The following SLC16A4 variants were observed in gnomAD, a reference collection of about 807,000 sequenced individuals.
The protein encoded by SLC16A4 is solute carrier family 16 member 4, also known as probable monocarboxylate transporter 5.
A neutral mutation model predicts 47.9 loss-of-function variants in SLC16A4; 39 were observed. The ratio of observed to expected loss-of-function variants is 0.81; its 90% CI spans 0.63 to 1.06. The LOEUF (loss-of-function observed/expected upper bound fraction) is 1.06, where lower values mean the gene tolerates loss of function less well. SLC16A4 is among the 50% of genes least tolerant of loss of function. SLC16A4 has a pLI of 0.00. For synonymous variants in SLC16A4, 189 were observed against 199.9 expected (o/e 0.95, Z 0.46); for missense variants, 524 against 573.8 (o/e 0.91, Z 0.89).
chr1:110,363,437 T>C lies in SLC16A4; in HGVS notation c.*329A>G, dbSNP rs1326340701. ...GTCAGGAGATGGAGACCATCCTGGCTAACATGGTGAAACCCCGCCTCTACT... is the reference window on the plus strand; with the variant it reads ...GTCAGGAGATGGAGACCATCCTGGCCAACATGGTGAAACCCCGCCTCTACT... On this transcript the variant is annotated 3_prime_UTR_variant, in exon 9 of 9. Coordinates refer to ENST00000369779, the MANE Select transcript of SLC16A4 (RefSeq NM_004696.3). 5 of 164,322 alleles carry C rather than the reference T, an allele frequency of 3.0e-5. No homozygotes were observed. The highest frequency in any genetic ancestry group is 6.5e-5 in the Non-Finnish European group (5 of 76,400). The allele number at this position is 164,322 out of a possible 1,614,324, so 10.2% of individuals were successfully genotyped here.
intron 2 of SLC16A4, among the ~76,000 whole-genome samples, chr1:110,387,937 G>A (rs1223161695): frequency 9.2e-6 from 1 of 108,266 alleles, no homozygotes; most frequent in African/African-American, 3.6e-5. Flanking sequence ...CCCCTATCTT[G>A]TCTAGCACGA....
At chr1:110,365,118 C>G (rs979471255) in intron 8 of SLC16A4, among the ~76,000 whole-genome samples, 19 of 152,004 alleles carry the variant, frequency 1.2e-4, no homozygotes, top group African/African-American at 4.3e-4. Context: ...TATATTATAT[C>G]TGATCACTTA....
intron 8 of SLC16A4, among the ~76,000 whole-genome samples, chr1:110,374,569 T>C (rs139284789): frequency 6.6e-6 from 1 of 152,238 alleles, no homozygotes; most frequent in African/African-American, 2.4e-5. Context: ...AGTTTAGGTC[T>C]GTTCCCTAGA....
At chr1:110,390,019 A>G (rs1662950600) in intron 1 of SLC16A4, among the ~76,000 whole-genome samples, 2 of 152,192 alleles carry the variant, frequency 1.3e-5, no homozygotes, top group Non-Finnish European at 2.9e-5. Context: ...AAACCTACAC[A>G]TGTACCCCCT....
chr1:110,388,634 G>A (rs1662859994), intron 2 of SLC16A4, among the ~76,000 whole-genome samples: 1 of 152,204 alleles, frequency 6.6e-6, no homozygotes, highest in Non-Finnish European at 1.5e-5. Flanking sequence ...CATGCAGCCA[G>A]TACAGAACTG....
intron 2 of SLC16A4, among the ~76,000 whole-genome samples, chr1:110,383,801 G>A (rs1570653341): frequency 1.6e-5 from 2 of 122,014 alleles, no homozygotes; most frequent in African/African-American, 6.3e-5. Context: ...GCTGTTAAAA[G>A]GAGGTTTTTT....
chr1:110,377,621 G>A (rs1662080071), intron 6 of SLC16A4, among the ~76,000 whole-genome samples: 1 of 152,086 alleles, frequency 6.6e-6, no homozygotes, highest in Admixed American at 6.5e-5. Flanking sequence ...AGGAGATGTT[G>A]GGACTCATAA....
intron 8 of SLC16A4, among the ~76,000 whole-genome samples, chr1:110,364,885 C>T (rs1045479206): frequency 1.3e-5 from 2 of 151,224 alleles, no homozygotes; most frequent in Admixed American, 1.3e-4. Flanking sequence ...AAAACTTAAG[C>T]GAAACACTTT....
In SLC16A4 at chr1:110,363,094, A is replaced by G. The variant is rs887103207; in HGVS notation, c.*672T>C. 6.6e-6 allele frequency: 1 copy of G among 152,214 alleles called. No homozygotes were observed. Among genetic ancestry groups the G allele is most frequent in the Non-Finnish European group, 1.5e-5 (1 of 68,042 alleles). The allele number at this position is 152,214 out of a possible 1,614,324, so 9.4% of individuals were successfully genotyped here. A position where few individuals can be genotyped will look rare whatever the true frequency, so the allele number is the denominator to read the frequency against. The stretch of plus-strand genomic sequence containing the variant: ...CCAGAATTCTGATCAATCAATGGCT[A>G]TGTTTCACACTTCTTTAAATTAAAA... On this transcript the variant is annotated 3_prime_UTR_variant, in exon 9 of 9. Coordinates refer to ENST00000369779, the MANE Select transcript of SLC16A4 (RefSeq NM_004696.3).
intron 1 of SLC16A4, among the ~76,000 whole-genome samples, chr1:110,390,322 C>T (rs1035918249): frequency 2.0e-5 from 3 of 152,068 alleles, no homozygotes; most frequent in Non-Finnish European, 2.9e-5. Context: ...AAAGGGAAGG[C>T]GAGCCTTGAG....
intron 6 of SLC16A4, among the ~76,000 whole-genome samples, chr1:110,378,383 T>TG (rs1662134502): frequency 6.6e-6 from 1 of 152,150 alleles, no homozygotes; most frequent in Non-Finnish European, 1.5e-5. Flanking sequence ...GATGAGGAAA[T>TG]GAAGGCACCA....
intron 7 of SLC16A4, 97 bp from the exon 8 acceptor site, chr1:110,375,648 C>G: frequency 1.5e-6 from 1 of 686,832 alleles, no homozygotes. Flanking sequence ...TCATCTCAAG[C>G]TATGAACAGT....
intron 8 of SLC16A4, among the ~76,000 whole-genome samples, chr1:110,374,193 A>G (rs1661850322): frequency 6.6e-6 from 1 of 151,852 alleles, no homozygotes; most frequent in South Asian, 2.1e-4. Flanking sequence ...GGCATCTGCC[A>G]TTACACTCGG....
intron 8 of SLC16A4, among the ~76,000 whole-genome samples, chr1:110,364,631 C>T (rs1661277340): frequency 6.6e-6 from 1 of 151,868 alleles, no homozygotes; most frequent in South Asian, 2.1e-4. Context: ...CTGCCTCAGC[C>T]TCCCAAGTAG....
At chr1:110,376,415 A>G (rs1374786910) in intron 7 of SLC16A4, among the ~76,000 whole-genome samples, 1 of 152,128 alleles carries the variant, frequency 6.6e-6, no homozygotes, top group African/African-American at 2.4e-5. Flanking sequence ...GGTTCCCAGA[A>G]CACTGAAGTG....
At position 110,363,081 on chromosome 1, in the gene SLC16A4, T is replaced by C. The variant is rs1661165821; in HGVS notation, c.*685A>G. 2 of 152,228 alleles carry C rather than the reference T, an allele frequency of 1.3e-5. No homozygotes were observed. Among genetic ancestry groups the C allele is most frequent in the Admixed American group, 1.3e-4 (2 of 15,286 alleles). 9.4% of individuals were successfully genotyped at this position (152,228 alleles called of 1,614,324 possible). A position where few individuals can be genotyped will look rare whatever the true frequency, so the allele number is the denominator to read the frequency against. On this transcript the variant is annotated 3_prime_UTR_variant, in exon 9 of 9. Coordinates refer to ENST00000369779, the MANE Select transcript of SLC16A4 (RefSeq NM_004696.3). ...TAATATTCAGATTCCAGAATTCTGA[T>C]CAATCAATGGCTATGTTTCACACTT...
intron 8 of SLC16A4, chr1:110,370,530 A>C (rs1459143476): frequency 6.6e-6 from 1 of 152,210 alleles, no homozygotes; most frequent in African/African-American, 2.4e-5. Flanking sequence ...CTTTTCTGTG[A>C]TAATGGGACA....
chr1:110,385,801 A>G (rs1662701602), intron 2 of SLC16A4, among the ~76,000 whole-genome samples: 1 of 152,222 alleles, frequency 6.6e-6, no homozygotes, highest in Non-Finnish European at 1.5e-5. Flanking sequence ...CGCCAGGACT[A>G]TATATTCAAA....
intron 2 of SLC16A4, among the ~76,000 whole-genome samples, chr1:110,383,813 T>TTTTTG (rs1557913615): frequency 1.9e-5 from 2 of 106,628 alleles, no homozygotes; most frequent in African/African-American, 3.6e-5. Context: ...AGGTTTTTTT[T>TTTTTG]TTTTTTTTTT....
Sources: allele counts gnomAD v4.1 joint callset (sites outside exome capture counted in the v4.1 genomes callset), GRCh38; gene constraint gnomAD v4.1.1; transcripts MANE v1.5; gene names NCBI Gene and HGNC (gene_info 2026-07-23, HGNC 2026-07-21).